RBM4B: variants seen among roughly 807,000 people sequenced by gnomAD.
RBM4B encodes RNA binding motif protein 4B, also known as RNA-binding protein 4B.
RBM4B carries 13 observed loss-of-function variants against 28.5 expected under a neutral mutation model. That is an observed-to-expected ratio of 0.46 (90% CI 0.30 to 0.72). RBM4B has a LOEUF of 0.72. Ranked by LOEUF, RBM4B falls within the 30% of genes least tolerant of loss-of-function variation. RBM4B has a pLI of 0.09. For synonymous variants in RBM4B, 167 were observed against 179.1 expected, an observed-to-expected ratio of 0.93 and a Z score of 0.54; for missense variants, 387 against 477.6, an observed-to-expected ratio of 0.81 and a Z score of 1.77.
intron 2 of RBM4B, chr11:66,670,899 C>A (rs1278003377): frequency 1.4e-6 from 1 of 702,428 alleles, no homozygotes; most frequent in Admixed American, 2.0e-5. Flanking sequence ...ACAAATCCCC[C>A]CTCTGCAATC....
chr11:66,677,430 G>A, intron 1 of RBM4B: 1 of 322,564 alleles, frequency 3.1e-6, no homozygotes, highest in Non-Finnish European at 5.8e-6. Flanking sequence ...AGTGCGCCTG[G>A]TAACAAGGTT....
intron 2 of RBM4B, chr11:66,670,997 C>A (rs1377548796): frequency 1.4e-6 from 1 of 702,564 alleles, no homozygotes; most frequent in Non-Finnish European, 2.6e-6. Context: ...TTGGAAATAG[C>A]CCTATTGAGG....
chr11:66,675,771 G>A (rs1156771278), intron 2 of RBM4B: 3 of 152,096 alleles, frequency 2.0e-5, no homozygotes, highest in South Asian at 2.1e-4. Flanking sequence ...CTATTAATAC[G>A]GTAGCCACAG....
rs113448159 is a variant in RBM4B at position 66,665,479 on chromosome 11, T to G, written c.*109A>C. 4.5e-6 allele frequency: 4 copies of G among 896,356 alleles called. No homozygotes were observed. Among genetic ancestry groups the G allele is most frequent in the African/African-American group, 1.7e-5 (1 of 60,068 alleles). The allele number at this position is 896,356 out of a possible 1,614,324, so 55.5% of individuals were successfully genotyped here. A position where few individuals can be genotyped will look rare whatever the true frequency, so the allele number is the denominator to read the frequency against. On this transcript the variant is annotated 3_prime_UTR_variant, in exon 4 of 4. Transcript: ENST00000310046. ...TTGGTCACAAACTCCTTTTGTTTAC[T>G]GAAACATGAAGCAATGGAAACATCC...
intron 2 of RBM4B, among the ~76,000 whole-genome samples, chr11:66,671,898 G>A (rs1359052302): frequency 1.3e-5 from 2 of 151,876 alleles, no homozygotes; most frequent in African/African-American, 4.8e-5. Context: ...TGCCACCATT[G>A]GTGTGGTTTT....
chr11:66,672,912 C>T (rs1326610596), intron 2 of RBM4B, among the ~76,000 whole-genome samples: 1 of 152,204 alleles, frequency 6.6e-6, no homozygotes, highest in East Asian at 1.9e-4. Context: ...AATTCTTCTA[C>T]TCTACTACAC....
In RBM4B at chr11:66,665,316, GA is replaced by G. The variant is rs998579366; in HGVS notation, c.*271del. 1.9e-6 allele frequency: 1 copy of G among 521,782 alleles called. No homozygotes were observed. The highest frequency in any genetic ancestry group is 3.4e-6 in the Non-Finnish European group (1 of 292,308). 32.3% of individuals were successfully genotyped at this position (521,782 alleles called of 1,614,324 possible). A position where few individuals can be genotyped will look rare whatever the true frequency, so the allele number is the denominator to read the frequency against. On this transcript the variant is annotated 3_prime_UTR_variant, in exon 4 of 4. Coordinates refer to ENST00000310046, the MANE Select transcript of RBM4B (RefSeq NM_031492.4). The stretch of plus-strand genomic sequence containing the variant: ...AGATAAGAGGGGTTCCACTGCACAG[GA>G]AAAAGGGGATGCCAGCATAATCCTT...
intron 3 of RBM4B, chr11:66,666,058 T>A: frequency 8.7e-7 from 1 of 1,145,446 alleles, no homozygotes; most frequent in Non-Finnish European, 1.2e-6. Flanking sequence ...TCACAAGGGG[T>A]AGGATATCAA....
At position 66,677,095 on chromosome 11, in the gene RBM4B, G is replaced by A. The variant is rs779612794; in HGVS notation, c.-12-4C>T. The A allele has an allele frequency of 1.1e-5, 18 of 1,609,274 alleles. No homozygotes were observed. In the South Asian group the frequency reaches 1.8e-4, roughly 16 times the overall value. On this transcript the variant is annotated splice_polypyrimidine_tract_variant and splice_region_variant and intron_variant, in intron 1 of 3. Coordinates refer to ENST00000310046, the MANE Select transcript of RBM4B (RefSeq NM_031492.4). ...GCTTCACCATCCTGACAAGAGCCTG[G>A]GAGAGAAACACAAGACTTCAAAAGT...
In RBM4B at chr11:66,668,516, G is replaced by A. The variant is rs1939331533; in HGVS notation, c.*9+99C>T. ...ATGTAATTTGCACCTTTTGGATACT[G>A]TCCGGAGAGCACAGGTGGCTCTAGC... On this transcript the variant is annotated intron_variant, in intron 3 of 3. Transcript: ENST00000310046. 7 of 896,660 alleles carry A rather than the reference G, an allele frequency of 7.8e-6. No individual in the cohort carries two copies. In the South Asian group the frequency reaches 1.2e-4, roughly 15 times the overall value. The allele number at this position is 896,660 out of a possible 1,614,324, so 55.5% of individuals were successfully genotyped here.
intron 2 of RBM4B, among the ~76,000 whole-genome samples, chr11:66,671,372 A>G (rs1939459052): frequency 6.6e-6 from 1 of 152,218 alleles, no homozygotes; most frequent in Non-Finnish European, 1.5e-5. Flanking sequence ...ATAGTTCCCT[A>G]TAATTTAGAC....
rs1939222144 is a variant in RBM4B at position 66,666,083 on chromosome 11, T to C, written c.*10-505A>G. On this transcript the variant is annotated intron_variant, in intron 3 of 3. Transcript: ENST00000310046. ...TAGGATATCAAGGAGCAGCCAGTCA[T>C]TCACCCAATTCCAACACACCTACAT... 3.3e-5 allele frequency: 31 copies of C among 939,944 alleles called. No homozygotes were observed. The East Asian group carries it at 8.2e-4, about 25-fold the overall frequency. The allele number at this position is 939,944 out of a possible 1,614,324, so 58.2% of individuals were successfully genotyped here.
In RBM4B at chr11:66,668,533, G is replaced by A. The variant is rs543552962; in HGVS notation, c.*9+82C>T. The stretch of plus-strand genomic sequence containing the variant: ...TGGATACTGTCCGGAGAGCACAGGT[G>A]GCTCTAGCCACTTTTATGAAGCATG... On this transcript the variant is annotated intron_variant, in intron 3 of 3. Coordinates refer to ENST00000310046, the MANE Select transcript of RBM4B (RefSeq NM_031492.4). 2.8e-5 allele frequency: 31 copies of A among 1,107,934 alleles called. No homozygotes were observed. In the African/African-American group the frequency reaches 3.8e-4, roughly 13 times the overall value. The allele number at this position is 1,107,934 out of a possible 1,614,324, so 68.6% of individuals were successfully genotyped here. A position where few individuals can be genotyped will look rare whatever the true frequency, so the allele number is the denominator to read the frequency against.
intron 2 of RBM4B, 108 bp from the exon 3 acceptor site, chr11:66,669,399 C>T (rs569820128): frequency 3.9e-6 from 4 of 1,029,688 alleles, no homozygotes; most frequent in East Asian, 2.5e-5. Flanking sequence ...TAGACGCACA[C>T]ACCTGTGACC....
chr11:66,665,735 AC>A, intron 3 of RBM4B, 157 bp from the exon 4 acceptor site: 1 of 1,351,862 alleles, frequency 7.4e-7, no homozygotes, highest in Non-Finnish European at 1.0e-6. Flanking sequence ...CCATGTAATT[AC>A]CTAGGAGTCT....
chr11:66,670,074 A>G (rs1391641367), intron 2 of RBM4B, among the ~76,000 whole-genome samples: 2 of 152,202 alleles, frequency 1.3e-5, no homozygotes, highest in African/African-American at 2.4e-5. Flanking sequence ...AACCACATCA[A>G]TAGTCCGTCC....
At position 66,676,870 on chromosome 11, in the gene RBM4B, G is replaced by A. The variant is rs764459537; in HGVS notation, c.210C>T (p.Ser70=). 6.8e-6 allele frequency: 11 copies of A among 1,614,026 alleles called. No homozygotes were observed. The highest frequency in any genetic ancestry group is 8.5e-7 in the Non-Finnish European group (1 of 1,180,036). ...LHGVNINVEA[S]KNKSKASTKL... ...TGGTTGAAGCTTTGCTCTTATTCTT[G>A]CTGGCTTCCACGTTGATGTTCACCC... Residue 70 remains serine (S), a synonymous_variant, in exon 2 of 4, where the codon AGC becomes AGT. Coordinates refer to ENST00000310046, the MANE Select transcript of RBM4B (RefSeq NM_031492.4).
chr11:66,668,530 G>A, intron 3 of RBM4B, 85 bp downstream of exon 3: 1 of 1,069,144 alleles, frequency 9.4e-7, no homozygotes, highest in South Asian at 1.5e-5. Context: ...GGAGAGCACA[G>A]GTGGCTCTAG....
At chr11:66,670,610 G>A (rs1187372660) in intron 2 of RBM4B, among the ~76,000 whole-genome samples, 1 of 152,146 alleles carries the variant, frequency 6.6e-6, no homozygotes, top group Non-Finnish European at 1.5e-5. Flanking sequence ...AAGAAAAGGA[G>A]TATTCCTGGC....
Sources: allele counts gnomAD v4.1 joint callset (sites outside exome capture counted in the v4.1 genomes callset), GRCh38; gene constraint gnomAD v4.1.1; transcripts MANE v1.5; gene names NCBI Gene and HGNC (gene_info 2026-07-23, HGNC 2026-07-21).